IL7: variants seen among roughly 807,000 people sequenced by gnomAD.
The protein encoded by IL7 is interleukin 7.
Under a neutral mutation model 21.6 loss-of-function variants are expected in IL7, and 3 were observed. The ratio of observed to expected loss-of-function variants is 0.14; its 90% CI spans 0.06 to 0.36. The LOEUF (loss-of-function observed/expected upper bound fraction) is 0.36. Ranked by LOEUF, IL7 falls within the 10% of genes least tolerant of loss-of-function variation. IL7 has a pLI of 1.00. For missense variants in IL7, 175 were observed against 200.2 expected (o/e 0.87, Z 0.76); for synonymous variants, 62 against 68.1 (o/e 0.91, Z 0.44).
At chr8:78,754,204 A>C (rs1038388576) in intron 2 of IL7, among the ~76,000 whole-genome samples, 1 of 152,224 alleles carries the variant, frequency 6.6e-6, no homozygotes, top group Non-Finnish European at 1.5e-5. Flanking sequence ...GCAAAGTCTC[A>C]GGATACAAAA....
rs149255600 is a variant in IL7, at chr8:78,682,471, G to A, written n.273+3418C>T. On this transcript the variant is annotated intron_variant and non_coding_transcript_variant, in intron 4 of 4. Transcript: ENST00000523959. ...CTTACATGGCGGCAGACAAGAGCAG[G>A]GGAACTTCCCTTTTTAATAAAACCA... is the stretch of plus-strand genomic sequence containing the variant. Among the ~76,000 whole-genome samples the A allele has an allele frequency of 5.7e-3, 872 of 152,166 alleles. 8 individuals carry two copies. The highest frequency in any genetic ancestry group is 0.02 in the African/African-American group (817 of 41,504).
At chr8:78,675,889 A>G (rs1198389646) in exon 5 of IL7, 1 of 1,569,790 alleles carries the variant, frequency 6.4e-7, no homozygotes, top group Non-Finnish European at 8.7e-7. Context: ...TTGTACCTTT[A>G]TGGTTTTACA....
At chr8:78,746,252 G>A (rs1376554169) in intron 2 of IL7, among the ~76,000 whole-genome samples, 2 of 152,178 alleles carry the variant, frequency 1.3e-5, no homozygotes, top group African/African-American at 2.4e-5. Context: ...CTGCCTAACC[G>A]GGAGCTTCTA....
At chr8:78,762,111 G>A in intron 2 of IL7, 2 of 1,597,158 alleles carry the variant, frequency 1.3e-6, no homozygotes, top group Non-Finnish European at 1.7e-6. Context: ...TCTTCACTCA[G>A]TTCTTTTATT....
intron 2 of IL7, among the ~76,000 whole-genome samples, chr8:78,746,397 C>T (rs1586064093): frequency 6.6e-6 from 1 of 152,270 alleles, no homozygotes; most frequent in South Asian, 2.1e-4. Flanking sequence ...TTTCTCACCA[C>T]ATGAGTTTCT....
chr8:78,763,310 T>C (rs755732887), intron 2 of IL7, among the ~76,000 whole-genome samples: 20 of 152,264 alleles, frequency 1.3e-4, no homozygotes, highest in Admixed American at 5.9e-4. Flanking sequence ...TATTCAATTA[T>C]GCTTATATGT....
At chr8:78,743,774 T>G (rs1307261208) in intron 2 of IL7, among the ~76,000 whole-genome samples, 1 of 152,186 alleles carries the variant, frequency 6.6e-6, no homozygotes, top group Non-Finnish European at 1.5e-5. Context: ...CTAATCTACC[T>G]TCAATGTTCG....
At chr8:78,754,644 A>G (rs1812288931) in intron 2 of IL7, among the ~76,000 whole-genome samples, 1 of 152,184 alleles carries the variant, frequency 6.6e-6, no homozygotes, top group Admixed American at 6.6e-5. Context: ...AAACTATGCT[A>G]CAAGGCTTTG....
At chr8:78,792,560 C>A (rs911747682) in intron 2 of IL7, among the ~76,000 whole-genome samples, 1 of 151,930 alleles carries the variant, frequency 6.6e-6, no homozygotes, top group African/African-American at 2.4e-5. Context: ...AGAACTCTTA[C>A]AACTATAAAA....
intron 2 of IL7, among the ~76,000 whole-genome samples, chr8:78,790,521 AACT>A (rs1813652452): frequency 6.6e-6 from 1 of 152,156 alleles, no homozygotes; most frequent in Non-Finnish European, 1.5e-5. Context: ...ACATTTGAAA[AACT>A]ACTACGTGTA....
intron 2 of IL7, among the ~76,000 whole-genome samples, chr8:78,796,546 G>T (rs948903174): frequency 2.6e-5 from 4 of 151,902 alleles, no homozygotes; most frequent in African/African-American, 7.2e-5. Flanking sequence ...AAGAGATAGT[G>T]CATGATAATG....
intron 2 of IL7, among the ~76,000 whole-genome samples, chr8:78,791,628 A>T (rs1461176810): frequency 1.3e-5 from 2 of 152,142 alleles, no homozygotes; most frequent in African/African-American, 4.8e-5. Context: ...TGATGGAGTG[A>T]GACTCTGTCT....
At chr8:78,708,720 G>A (rs1448400774) in intron 3 of IL7, among the ~76,000 whole-genome samples, 1 of 121,440 alleles carries the variant, frequency 8.2e-6, no homozygotes, top group Non-Finnish European at 1.7e-5. Context: ...TGCTCTTGTT[G>A]CCCAGGCTGG....
chr8:78,721,032 C>G (rs757649883), exon 5 of IL7: 1 of 151,866 alleles, frequency 6.6e-6, no homozygotes, highest in Non-Finnish European at 1.5e-5. Flanking sequence ...TTGAAAAACG[C>G]TTTATGTGCT....
chr8:78,735,312 G>GT (rs144374908), intron 5 of IL7, among the ~76,000 whole-genome samples: 25,959 of 71,862 alleles, frequency 0.36, 3,720 homozygotes, highest in African/African-American at 0.52. Flanking sequence ...TTTTTGCTCT[G>GT]TTTTTTGTTT....
chr8:78,733,911 T>G, intron 5 of IL7, 79 bp from the exon 6 acceptor site: 1 of 999,684 alleles, frequency 1.0e-6, no homozygotes, highest in Non-Finnish European at 1.3e-6. Flanking sequence ...TTTCATCATA[T>G]TACTTTATAC....
At chr8:78,758,683 T>C (rs1563423509) in intron 2 of IL7, among the ~76,000 whole-genome samples, 1 of 152,138 alleles carries the variant, frequency 6.6e-6, no homozygotes, top group Non-Finnish European at 1.5e-5. Flanking sequence ...CATGCTCTCC[T>C]GGCCTGCAAG....
At chr8:78,734,855 TC>T (rs1312795760) in intron 5 of IL7, among the ~76,000 whole-genome samples, 3 of 152,110 alleles carry the variant, frequency 2.0e-5, no homozygotes, top group Admixed American at 2.0e-4. Context: ...AAGAAACTGA[TC>T]CGCAAAGAAG....
intron 3 of IL7, among the ~76,000 whole-genome samples, chr8:78,693,150 G>T (rs538703456): frequency 6.6e-6 from 1 of 152,020 alleles, no homozygotes; most frequent in Non-Finnish European, 1.5e-5. Context: ...ATTTGGGTTG[G>T]TTCCAAGTCT....
Sources: gnomAD v4.1 joint callset for allele counts (sites outside exome capture counted in the v4.1 genomes callset) on GRCh38, gnomAD v4.1.1 for gene constraint, MANE v1.5 for transcripts, NCBI Gene and HGNC (gene_info 2026-07-23, HGNC 2026-07-21) for gene names.